The following GALNT9 variants were observed in gnomAD, a reference collection of about 807,000 sequenced individuals.
The protein encoded by GALNT9 is GalNAc transferase 9.
GALNT9 carries 47 observed loss-of-function variants against 63.1 expected under a neutral mutation model. That is an observed-to-expected ratio of 0.75 (90% CI 0.59 to 0.95). The LOEUF is 0.95. Ranked by LOEUF, GALNT9 falls within the 40% of genes least tolerant of loss-of-function variation. The pLI is 0.00. For synonymous variants in GALNT9, 396 were observed against 365.7 expected, an observed-to-expected ratio of 1.08 and a Z score of -0.94; for missense variants, 829 against 874.8, an observed-to-expected ratio of 0.95 and a Z score of 0.66.
intron 1 of GALNT9, among the ~76,000 whole-genome samples, chr12:132,300,306 C>T (rs1881245398): frequency 6.8e-6 from 1 of 146,910 alleles, no homozygotes; most frequent in African/African-American, 2.5e-5. Context: ...GACCAAGCCA[C>T]TCCTGAGATA....
rs1385873959 is a variant in GALNT9 at position 132,246,711 on chromosome 12, T to G, written c.1077+1199A>C. Among the ~76,000 whole-genome samples the G allele has an allele frequency of 6.6e-6, 1 of 152,166 alleles. No individual in the cohort carries two copies. Among genetic ancestry groups the G allele is most frequent in the East Asian group, 1.9e-4 (1 of 5,188 alleles). On this transcript the variant is annotated intron_variant, in intron 6 of 10. Transcript: ENST00000328957. The surrounding 1 kb of genome is among the most constrained non-coding windows in gnomAD (Gnocchi z 4.7). ...CCATGCCTGGTTAATTTTTGTATTT[T>G]TAGTAGAGGCAGGGTTTTACCATAC...
chr12:132,228,617 G>A (rs1044957557), intron 6 of GALNT9, among the ~76,000 whole-genome samples: 26 of 152,020 alleles, frequency 1.7e-4, no homozygotes, highest in Non-Finnish European at 7.4e-5. Context: ...GGCCCCAGAC[G>A]TTCTGATGCT....
chr12:132,243,547 T>C (rs1419522775), intron 6 of GALNT9, among the ~76,000 whole-genome samples: 1 of 151,578 alleles, frequency 6.6e-6, no homozygotes, highest in Admixed American at 6.6e-5. Context: ...GGTCCTTCCC[T>C]CCAGACACCA....
intron 4 of GALNT9, among the ~76,000 whole-genome samples, chr12:132,258,888 T>A (rs761885443): frequency 2.6e-5 from 4 of 152,180 alleles, no homozygotes; most frequent in African/African-American, 4.8e-5. Context: ...ACCCAGCCAC[T>A]GGCTGACACA....
chr12:132,287,148 C>T lies in GALNT9; in HGVS notation c.239-718G>A, dbSNP rs369584718. ...ATCGACGGTGACACAGTCACACTCA[C>T]GCACGCCAGCCCCCCGTGAGCCACG... is the stretch of plus-strand genomic sequence containing the variant. On this transcript the variant is annotated intron_variant, in intron 1 of 10. Coordinates refer to ENST00000328957, the MANE Select transcript of GALNT9 (RefSeq NM_001122636.2). 4.0e-3 allele frequency among the ~76,000 whole-genome samples: 594 copies of T among 149,286 alleles called. 5 individuals carry two copies. The highest frequency in any genetic ancestry group is 0.012 in the African/African-American group (507 of 40,626).
At chr12:132,308,204 C>T (rs1047193061) in intron 1 of GALNT9, among the ~76,000 whole-genome samples, 1 of 152,198 alleles carries the variant, frequency 6.6e-6, no homozygotes, top group African/African-American at 2.4e-5. Flanking sequence ...ACCCTCCCTG[C>T]GGCCTCTGGA....
At chr12:132,325,125 T>TG (rs1868982288) in intron 1 of GALNT9, among the ~76,000 whole-genome samples, 1 of 152,224 alleles carries the variant, frequency 6.6e-6, no homozygotes, top group Admixed American at 6.5e-5. Flanking sequence ...CAGGCCTCCC[T>TG]GGGGGACAGG....
rs1308695853 is a variant in GALNT9, at chr12:132,310,264, G to A, written c.238+18702C>T. Reference sequence around the variant, plus strand: ...CTCCAGGTCTCACCGGCCACACCGCGGTTCGGCATTTCAGTTGGGGTCGGT... The same window carrying A: ...CTCCAGGTCTCACCGGCCACACCGCAGTTCGGCATTTCAGTTGGGGTCGGT... On this transcript the variant is annotated intron_variant, in intron 1 of 10. Transcript: ENST00000328957. The surrounding 1 kb of genome is among the most constrained non-coding windows in gnomAD (Gnocchi z 4.8). Among the ~76,000 whole-genome samples the A allele has an allele frequency of 2.0e-5, 3 of 152,164 alleles. No homozygotes were observed. The highest frequency in any genetic ancestry group is 4.8e-5 in the African/African-American group (2 of 41,430).
At position 132,245,700 on chromosome 12, in the gene GALNT9, C is replaced by A. The variant is rs1191039031; in HGVS notation, c.1077+2210G>T. Among the ~76,000 whole-genome samples the A allele has an allele frequency of 6.6e-6, 1 of 152,274 alleles. No homozygotes were observed. The highest frequency in any genetic ancestry group is 1.5e-5 in the Non-Finnish European group (1 of 68,054). On this transcript the variant is annotated intron_variant, in intron 6 of 10. Coordinates refer to ENST00000328957, the MANE Select transcript of GALNT9 (RefSeq NM_001122636.2). This position sits in a 1 kb window ranked among gnomAD's most constrained non-coding sequence, Gnocchi z 6.3. ...GCCCACCACACAGGTTCGCTGTCGT[C>A]CCGGCTTTGCTCTGAGCCTGAGCCT...
intron 6 of GALNT9, among the ~76,000 whole-genome samples, chr12:132,240,073 G>C (rs1315593992): frequency 3.9e-5 from 6 of 152,200 alleles, no homozygotes; most frequent in Non-Finnish European, 7.3e-5. Flanking sequence ...GCAGTTTATA[G>C]AACTGCTCCC....
In GALNT9 at chr12:132,203,869, G is replaced by A. The variant is rs11246992; in HGVS notation, c.1078-179C>T. Among the ~76,000 whole-genome samples, 259 of 152,158 alleles carry A rather than the reference G, an allele frequency of 1.7e-3. 3 individuals are homozygous for A. In the East Asian group the frequency reaches 0.029, roughly 17 times the overall value. ...TCGGGGGCTGTTTTCAGGGGACCCC[G>A]CCCACAGAGAAAGTTCAGGTCTGGG... On this transcript the variant is annotated intron_variant, in intron 6 of 10. Transcript: ENST00000328957.
intron 6 of GALNT9, among the ~76,000 whole-genome samples, chr12:132,225,905 CCCCACACACTGTACATATACAA>C (rs1877657465): frequency 6.8e-6 from 1 of 146,180 alleles, no homozygotes; most frequent in Non-Finnish European, 1.5e-5. Flanking sequence ...ACAACCCACA[CCCCACACACTGTACATATACAA>C]CCCACACACA....
At chr12:132,207,239 C>T (rs997512438) in intron 6 of GALNT9, among the ~76,000 whole-genome samples, 2 of 152,234 alleles carry the variant, frequency 1.3e-5, no homozygotes, top group African/African-American at 4.8e-5. Flanking sequence ...CTGCCTGTCC[C>T]TCCCCATGGC....
chr12:132,305,125 C>G (rs1555244490), intron 1 of GALNT9, among the ~76,000 whole-genome samples: 4 of 78,944 alleles, frequency 5.1e-5, no homozygotes, highest in Admixed American at 1.3e-4. Context: ...ACGCCCTCAC[C>G]CGGGCACAGC....
intron 6 of GALNT9, among the ~76,000 whole-genome samples, chr12:132,214,299 A>C (rs1877092834): frequency 6.6e-6 from 1 of 152,184 alleles, no homozygotes. Flanking sequence ...CCCAGGGATG[A>C]AGGGGGCGAG....
chr12:132,298,999 AC>A (rs1555243544), intron 1 of GALNT9, among the ~76,000 whole-genome samples: 4 of 144,966 alleles, frequency 2.8e-5, no homozygotes, highest in Admixed American at 6.8e-5. Context: ...ACCACACCTA[AC>A]CCATCCCTGA....
chr12:132,220,688 A>G (rs903994687), intron 6 of GALNT9, among the ~76,000 whole-genome samples: 1 of 152,200 alleles, frequency 6.6e-6, no homozygotes, highest in African/African-American at 2.4e-5. Flanking sequence ...GGCAACCCTG[A>G]GGGTCAAAGT....
chr12:132,292,364 G>A (rs1593109311), intron 1 of GALNT9, among the ~76,000 whole-genome samples: 1 of 152,142 alleles, frequency 6.6e-6, no homozygotes, highest in Admixed American at 6.5e-5. Context: ...CCATCCCACA[G>A]GAGAGGCGGG....
At chr12:132,208,943 T>C (rs1181742344) in intron 6 of GALNT9, among the ~76,000 whole-genome samples, 1 of 152,190 alleles carries the variant, frequency 6.6e-6, no homozygotes, top group Non-Finnish European at 1.5e-5. Flanking sequence ...CAATCCGAGT[T>C]GATACCCCTG....
Sources: allele counts gnomAD v4.1 joint callset (sites outside exome capture counted in the v4.1 genomes callset), GRCh38; gene constraint gnomAD v4.1.1; non-coding constraint Gnocchi (gnomAD v3.1); transcripts MANE v1.5; gene names NCBI Gene and HGNC (gene_info 2026-07-23, HGNC 2026-07-21).